The following KATNAL1 variants were observed in gnomAD, a reference collection of about 807,000 sequenced individuals.
KATNAL1 encodes the protein katanin catalytic subunit A1 like 1.
In KATNAL1, 32 loss-of-function variants were observed where a neutral mutation model predicts 55.2. That is an observed-to-expected ratio of 0.58 (90% CI 0.44 to 0.78). The LOEUF (loss-of-function observed/expected upper bound fraction) is 0.78, where lower values mean the gene tolerates loss of function less well. Among genes scored for constraint, KATNAL1 ranks in the 30% least tolerant of loss-of-function variants. KATNAL1 has a pLI of 0.00. For missense variants in KATNAL1, 466 were observed against 600.9 expected (o/e 0.78, Z 2.35); for synonymous variants, 193 against 193.6 (o/e 1.00, Z 0.02).
intron 1 of KATNAL1, among the ~76,000 whole-genome samples, chr13:30,301,539 A>G (rs924905943): frequency 6.6e-6 from 1 of 152,210 alleles, no homozygotes; most frequent in Non-Finnish European, 1.5e-5. Context: ...ACTACAAAAC[A>G]GTAACAGTTA....
intron 3 of KATNAL1, among the ~76,000 whole-genome samples, chr13:30,271,085 G>A (rs537463490): frequency 1.3e-5 from 2 of 152,350 alleles, no homozygotes; most frequent in East Asian, 3.9e-4. Flanking sequence ...ATCAAGTGGG[G>A]TGGAAGTAAG....
Position 30,207,231 on chromosome 13 carries a change from C to T in KATNAL1, c.*1309G>A, listed in dbSNP as rs1465903344. On this transcript the variant is annotated 3_prime_UTR_variant, in exon 11 of 11. Coordinates refer to ENST00000380615, the MANE Select transcript of KATNAL1 (RefSeq NM_032116.5). Reference sequence around the variant, plus strand: ...CACATGTAATCATAAAAACTAACGCCAGGATCATTTACTTGTGATTGGATA... The same window carrying T: ...CACATGTAATCATAAAAACTAACGCTAGGATCATTTACTTGTGATTGGATA... 1 of 152,154 alleles carries T rather than the reference C, an allele frequency of 6.6e-6. No individual in the cohort carries two copies. Among genetic ancestry groups the T allele is most frequent in the East Asian group, 1.9e-4 (1 of 5,204 alleles). The allele number at this position is 152,154 out of a possible 1,614,324, so 9.4% of individuals were successfully genotyped here.
intron 9 of KATNAL1, among the ~76,000 whole-genome samples, chr13:30,211,927 A>G (rs1873728718): frequency 6.6e-6 from 1 of 152,234 alleles, no homozygotes; most frequent in African/African-American, 2.4e-5. Flanking sequence ...GCATAATTAC[A>G]GACACTGAAT....
rs566308733 is a variant in KATNAL1 at position 30,298,974 on chromosome 13, C to G, written c.-15+8357G>C. 7.2e-5 allele frequency among the ~76,000 whole-genome samples: 11 copies of G among 152,192 alleles called. No individual in the cohort carries two copies. The South Asian group carries it at 2.3e-3, about 32-fold the overall frequency. ...AATAATTTTCAGTTTCAAAGCAAATCAAAGTTCACACCTAGAGACAAGGTA... is the reference window on the plus strand; with the variant it reads ...AATAATTTTCAGTTTCAAAGCAAATGAAAGTTCACACCTAGAGACAAGGTA... On this transcript the variant is annotated intron_variant, in intron 1 of 10. Coordinates refer to ENST00000380615, the MANE Select transcript of KATNAL1 (RefSeq NM_032116.5).
intron 1 of KATNAL1, among the ~76,000 whole-genome samples, chr13:30,299,332 T>G (rs1202592724): frequency 6.6e-6 from 1 of 152,120 alleles, no homozygotes; most frequent in African/African-American, 2.4e-5. Flanking sequence ...ATAATATTTA[T>G]CATAAGGTTA....
rs1469769571 is a variant in KATNAL1 at position 30,205,535 on chromosome 13, C to T, written c.*3005G>A. ...CATCTGCTACCGCAACACTGAATAA[C>T]AAAACAAAACGAAGCAAAACAATTC... is the stretch of plus-strand genomic sequence containing the variant. On this transcript the variant is annotated 3_prime_UTR_variant, in exon 11 of 11. Transcript: ENST00000380615. 2 of 152,176 alleles carry T rather than the reference C, an allele frequency of 1.3e-5. No individual in the cohort carries two copies. Among genetic ancestry groups the T allele is most frequent in the African/African-American group, 4.8e-5 (2 of 41,412 alleles). The allele number at this position is 152,176 out of a possible 1,614,324, so 9.4% of individuals were successfully genotyped here.
rs1222452890 is a variant in KATNAL1, at chr13:30,291,417, G to A, written c.-14-7626C>T. Among the ~76,000 whole-genome samples the A allele has an allele frequency of 2.6e-5, 4 of 152,164 alleles. No individual in the cohort carries two copies. The South Asian group carries it at 6.2e-4, about 24-fold the overall frequency. ...ATTAAAATCTAAGAGAATTAAAGAT[G>A]ACCTAAATTAATAGATATGTGTGTA... On this transcript the variant is annotated intron_variant, in intron 1 of 10. Coordinates refer to ENST00000380615, the MANE Select transcript of KATNAL1 (RefSeq NM_032116.5).
Position 30,255,586 on chromosome 13 carries a change from C to G in KATNAL1, c.353G>C (p.Arg118Pro). The G allele has an allele frequency of 6.5e-7, 1 of 1,534,082 alleles. No homozygotes were observed. Among genetic ancestry groups the G allele is most frequent in the Non-Finnish European group, 8.8e-7 (1 of 1,142,660 alleles). ...TTCTTTCCTCAGAGGTCTTACTTCT[C>G]GATTGGGACGCCTGATCTGAGGTGG... ...RAPPQIRRPN[R>P]EVRPLRKEMA... Residue 118 changes from arginine to proline, a missense_variant, in exon 4 of 11, where the codon CGA (arginine) becomes CCA (proline). Around this residue, in one of 3 missense-constraint regions of KATNAL1, gnomAD observed 248 missense variants for 275.5 expected, o/e 0.90. Transcript: ENST00000380615.
intron 9 of KATNAL1, among the ~76,000 whole-genome samples, chr13:30,225,805 A>G (rs1452608867): frequency 6.6e-6 from 1 of 152,192 alleles, no homozygotes; most frequent in Non-Finnish European, 1.5e-5. Flanking sequence ...ATTCATTAAA[A>G]AAAATTGTCA....
intron 10 of KATNAL1, 66 bp from the exon 11 acceptor site, chr13:30,208,804 C>A: frequency 6.6e-6 from 7 of 1,059,988 alleles, no homozygotes; most frequent in Admixed American, 5.7e-5. Flanking sequence ...TCAATTGTAA[C>A]AAAGTTATGA....
chr13:30,269,374 T>A (rs1397597206), intron 3 of KATNAL1, among the ~76,000 whole-genome samples: 1 of 152,234 alleles, frequency 6.6e-6, no homozygotes, highest in Non-Finnish European at 1.5e-5. Context: ...GGAGTCTGGT[T>A]CACTCAGTGC....
chr13:30,223,260 A>T (rs1033892137), intron 9 of KATNAL1, among the ~76,000 whole-genome samples: 3 of 151,276 alleles, frequency 2.0e-5, no homozygotes, highest in South Asian at 2.1e-4. Context: ...TAACACGGTG[A>T]AACTCCGTCT....
chr13:30,243,822 G>C (rs993781139), intron 4 of KATNAL1, among the ~76,000 whole-genome samples: 4 of 152,080 alleles, frequency 2.6e-5, no homozygotes, highest in African/African-American at 9.7e-5. Context: ...AATTATAGCT[G>C]ATCTTTTTCC....
rs980965991 is a variant in KATNAL1, at chr13:30,204,622, T to C, written c.*3918A>G. The C allele has an allele frequency of 6.6e-6, 1 of 152,220 alleles. No individual in the cohort carries two copies. The highest frequency in any genetic ancestry group is 1.5e-5 in the Non-Finnish European group (1 of 68,040). The allele number at this position is 152,220 out of a possible 1,614,324, so 9.4% of individuals were successfully genotyped here. Reference sequence around the variant, plus strand: ...GGCTATACAAAACAAAGTCAAAGAATGACAATCATACTGTAAATTTGGGTT... The same window carrying C: ...GGCTATACAAAACAAAGTCAAAGAACGACAATCATACTGTAAATTTGGGTT... On this transcript the variant is annotated 3_prime_UTR_variant, in exon 11 of 11. Coordinates refer to ENST00000380615, the MANE Select transcript of KATNAL1 (RefSeq NM_032116.5).
intron 1 of KATNAL1, among the ~76,000 whole-genome samples, chr13:30,285,484 T>C (rs1343044094): frequency 6.6e-6 from 1 of 152,182 alleles, no homozygotes; most frequent in Non-Finnish European, 1.5e-5. Context: ...TGCTGCCCTG[T>C]GAAGAGGTGC....
At chr13:30,240,035 T>C (rs1022705008) in intron 6 of KATNAL1, among the ~76,000 whole-genome samples, 8 of 152,204 alleles carry the variant, frequency 5.3e-5, no homozygotes, top group African/African-American at 1.4e-4. Context: ...GAAAAAACAT[T>C]TGTTTTCAAG....
intron 3 of KATNAL1, 142 bp from the exon 4 acceptor site, chr13:30,255,757 C>A (rs563247801): frequency 3.9e-5 from 27 of 692,638 alleles, no homozygotes; most frequent in Middle Eastern, 4.7e-4. Flanking sequence ...CAATTCATGG[C>A]CACAACTATT....
chr13:30,272,333 G>A (rs1002692181), intron 3 of KATNAL1, among the ~76,000 whole-genome samples: 2 of 152,284 alleles, frequency 1.3e-5, no homozygotes, highest in Middle Eastern at 3.4e-3. Flanking sequence ...AGGAGGCGGA[G>A]GTTGCAGTGA....
In KATNAL1 at chr13:30,291,107, G is replaced by A. The variant is rs80246659; in HGVS notation, c.-14-7316C>T. ...GAGGTTCTAACCAGTGCAATAAGGCGATACAAAAATAAAAGGCATGCAGAT... is the reference window on the plus strand; with the variant it reads ...GAGGTTCTAACCAGTGCAATAAGGCAATACAAAAATAAAAGGCATGCAGAT... On this transcript the variant is annotated intron_variant, in intron 1 of 10. Coordinates refer to ENST00000380615, the MANE Select transcript of KATNAL1 (RefSeq NM_032116.5). Among the ~76,000 whole-genome samples, 22 of 152,148 alleles carry A rather than the reference G, an allele frequency of 1.4e-4. No homozygotes were observed. The East Asian group carries it at 3.5e-3, about 24-fold the overall frequency.
Sources: allele counts gnomAD v4.1 joint callset (sites outside exome capture counted in the v4.1 genomes callset), GRCh38; gene constraint gnomAD v4.1.1; regional missense constraint gnomAD v4.1.1; transcripts MANE v1.5; gene names NCBI Gene and HGNC (gene_info 2026-07-23, HGNC 2026-07-21).